C16orf96: variants seen among roughly 807,000 people sequenced by gnomAD.
C16orf96 encodes the protein chromosome 16 open reading frame 96, also known as uncharacterized protein C16orf96.
C16orf96 carries 108 observed loss-of-function variants against 103.6 expected under a neutral mutation model. The ratio of observed to expected loss-of-function variants is 1.04; its 90% CI spans 0.89 to 1.22. The LOEUF (loss-of-function observed/expected upper bound fraction) is 1.22, where lower values mean the gene tolerates loss of function less well. Ranked by LOEUF, C16orf96 falls within the 50% of genes most tolerant of loss-of-function variation. The pLI is 0.00. For missense variants in C16orf96, 1,586 were observed against 1,464.2 expected, an observed-to-expected ratio of 1.08 and a Z score of -1.36; for synonymous variants, 566 against 593.5, an observed-to-expected ratio of 0.95 and a Z score of 0.67.
chr16:4,588,843 G>A (rs113647816), intron 9 of C16orf96, among the ~76,000 whole-genome samples: 4,076 of 151,004 alleles, frequency 0.027, 77 homozygotes, highest in Non-Finnish European at 0.033. Context: ...CTCAGGAAAC[G>A]CTGCTGCTCA....
chr16:4,550,795 A>G, the C16orf96 span, among the ~76,000 whole-genome samples: 2 of 152,306 alleles, frequency 1.3e-5, no homozygotes, highest in South Asian at 2.1e-4. Context: ...GTCAGCACAC[A>G]CTGAGGTGAG....
upstream of C16orf96, among the ~76,000 whole-genome samples, chr16:4,554,039 C>T (rs556940980): frequency 6.6e-6 from 1 of 152,246 alleles, no homozygotes; most frequent in Admixed American, 6.5e-5. Flanking sequence ...TCAGGGCTCC[C>T]GGTGTTAAGC....
Position 4,575,369 on chromosome 16 carries a change from G to A in C16orf96, c.889G>A (p.Ala297Thr). ...CCTCCCGGAGGGCTCATCTGCCCAA[G>A]CAGTTTCACTCAGCAGAGCCCAGGA... ...ELLPEGSSAQAVSLSRAQEPA... is the reference protein window; with the variant it reads ...ELLPEGSSAQTVSLSRAQEPA... Residue 297 changes from alanine to threonine, a missense_variant, in exon 5 of 16, where the codon GCA (alanine) becomes ACA (threonine). Coordinates refer to ENST00000444310, the MANE Select transcript of C16orf96 (RefSeq NM_001145011.2). 1 of 1,551,148 alleles carries A rather than the reference G, an allele frequency of 6.4e-7. No individual in the cohort carries two copies.
At position 4,575,481 on chromosome 16, in the gene C16orf96, C is replaced by T; in HGVS notation, c.1001C>T (p.Pro334Leu). Residue 334 changes from proline to leucine, a missense_variant, in exon 5 of 16, where the codon CCT becomes CTT. By Grantham distance (98) the Pro-to-Leu change is moderately conservative (BLOSUM62 -3). Coordinates refer to ENST00000444310, the MANE Select transcript of C16orf96 (RefSeq NM_001145011.2). ...CCTGGGCCTGCACCTGGGACTGAAC[C>T]TGTGCCAGGACTGGAGCTGGGGCTG... The part of the protein sequence containing the change: ...FAPGPAPGTE[P>L]VPGLELGLEL... 1 of 1,548,078 alleles carries T rather than the reference C, an allele frequency of 6.5e-7. No individual in the cohort carries two copies. The highest frequency in any genetic ancestry group is 8.7e-7 in the Non-Finnish European group (1 of 1,146,902).
At chr16:4,547,764 T>C in the C16orf96 span, among the ~76,000 whole-genome samples, 13 of 145,120 alleles carry the variant, frequency 9.0e-5, no homozygotes, top group African/African-American at 3.1e-4. Flanking sequence ...CCTCCCTCCC[T>C]CTCTCTCTCT....
At chr16:4,577,691 C>T (rs370725736) in intron 5 of C16orf96, among the ~76,000 whole-genome samples, 12 of 152,196 alleles carry the variant, frequency 7.9e-5, no homozygotes, top group East Asian at 3.9e-4. Context: ...TGCGGTGGCT[C>T]ACGCCTGTAA....
At chr16:4,549,263 A>G in the C16orf96 span, among the ~76,000 whole-genome samples, 571 of 152,168 alleles carry the variant, frequency 3.8e-3, 7 homozygotes, top group African/African-American at 0.013. Flanking sequence ...TCACAAGGTC[A>G]GGAGATCAAG....
At chr16:4,558,787 C>T (rs547550437) in intron 1 of C16orf96, among the ~76,000 whole-genome samples, 5 of 151,958 alleles carry the variant, frequency 3.3e-5, no homozygotes, top group South Asian at 4.2e-4. Flanking sequence ...TGCTTGCGTG[C>T]GCCTGTAGTC....
chr16:4,548,876 CAA>C, the C16orf96 span, among the ~76,000 whole-genome samples: 1 of 133,042 alleles, frequency 7.5e-6, no homozygotes, highest in Non-Finnish European at 1.6e-5. Flanking sequence ...GTGAGACTCT[CAA>C]AAAAAAAAAA....
chr16:4,575,389 C>T lies in C16orf96; in HGVS notation c.909C>T (p.Ala303=), dbSNP rs2059490511. 1 of 1,550,824 alleles carries T rather than the reference C, an allele frequency of 6.4e-7. No homozygotes were observed. Among genetic ancestry groups the T allele is most frequent in the Non-Finnish European group, 8.7e-7 (1 of 1,146,936 alleles). ...SSAQAVSLSR[A]QEPAQPPALT... Reference sequence around the variant, plus strand: ...CCCAAGCAGTTTCACTCAGCAGAGCCCAGGAGCCAGCGCAGCCTCCGGCCC... The same window carrying T: ...CCCAAGCAGTTTCACTCAGCAGAGCTCAGGAGCCAGCGCAGCCTCCGGCCC... Residue 303 remains alanine, a synonymous_variant, in exon 5 of 16, where the codon GCC becomes GCT. Coordinates refer to ENST00000444310, the MANE Select transcript of C16orf96 (RefSeq NM_001145011.2).
chr16:4,594,476 C>A lies in C16orf96; in HGVS notation c.2993C>A (p.Pro998His), dbSNP rs923963914. 14 of 1,551,374 alleles carry A rather than the reference C, an allele frequency of 9.0e-6. No individual in the cohort carries two copies. The highest frequency in any genetic ancestry group is 2.0e-5 in the Admixed American group (1 of 50,994). The change falls in exon 13 of 16, where the codon CCC becomes CAC. Residue 998 changes from proline to histidine, a missense_variant. Transcript: ENST00000444310. ...CKSCNLLTLY[P>H]YGDPHVIDYD... ...TCCTGCAACCTGTTGACGCTCTATC[C>A]CTACGGGGATCCCCACGTGATCGAC...
At chr16:4,550,567 C>T in the C16orf96 span, among the ~76,000 whole-genome samples, 3 of 152,212 alleles carry the variant, frequency 2.0e-5, no homozygotes, top group Non-Finnish European at 4.4e-5. Context: ...CAGCTAACGT[C>T]AGTGAGCACT....
At chr16:4,562,900 C>T (rs59476724) in intron 1 of C16orf96, 1 of 1,423,412 alleles carries the variant, frequency 7.0e-7, no homozygotes, top group Non-Finnish European at 9.8e-7. Context: ...CCTTTTCTTC[C>T]TGGTTTCATT....
In C16orf96 at chr16:4,572,640, T is replaced by G. The variant is rs139845311; in HGVS notation, c.525+975T>G. Among the ~76,000 whole-genome samples, 141 of 152,206 alleles carry G rather than the reference T, an allele frequency of 9.3e-4. 1 individual carries two copies. The highest frequency in any genetic ancestry group is 3.4e-3 in the Middle Eastern group (1 of 294). ...CAGTGAAACTTTCCTCCCAGTTGGC[T>G]TCATTCTCAGGCAGGTGCTCCTCAA... On this transcript the variant is annotated intron_variant, in intron 2 of 15. Transcript: ENST00000444310.
In C16orf96 at chr16:4,556,758, A is replaced by T; in HGVS notation, c.269A>T (p.Lys90Met). 6.4e-7 allele frequency: 1 copy of T among 1,551,722 alleles called. No homozygotes were observed. Among genetic ancestry groups the T allele is most frequent in the African/African-American group, 1.4e-5 (1 of 73,164 alleles). Residue 90 changes from lysine (K) to methionine (M), a missense_variant, in exon 1 of 16, where the codon AAG becomes ATG. Physicochemically the swap from Lys to Met is moderately conservative, Grantham distance 95. Coordinates refer to ENST00000444310, the MANE Select transcript of C16orf96 (RefSeq NM_001145011.2). The stretch of plus-strand genomic sequence containing the variant: ...GACCACGTGGTGAGCCGCCTCGACA[A>T]GTTGGAGAACCAGCTGGCCCTGCTG... ...VFDHVVSRLDKLENQLALLQD... is the reference protein window; with the variant it reads ...VFDHVVSRLDMLENQLALLQD...
At chr16:4,581,248 T>G (rs2059585383) in intron 7 of C16orf96, among the ~76,000 whole-genome samples, 1 of 144,064 alleles carries the variant, frequency 6.9e-6, no homozygotes, top group African/African-American at 2.6e-5. Flanking sequence ...GGCAGGAGAA[T>G]CGCTTGAACC....
the C16orf96 span, among the ~76,000 whole-genome samples, chr16:4,544,045 G>A: frequency 1.3e-5 from 2 of 152,166 alleles, no homozygotes; most frequent in Non-Finnish European, 2.9e-5. Context: ...TGGATCCAGA[G>A]GAAGGACCTG....
At position 4,574,959 on chromosome 16, in the gene C16orf96, C is replaced by A. The variant is rs1280969005; in HGVS notation, c.607-13C>A. The A allele has an allele frequency of 6.4e-7, 1 of 1,550,828 alleles. No individual in the cohort carries two copies. The highest frequency in any genetic ancestry group is 8.7e-7 in the Non-Finnish European group (1 of 1,146,552). ...CAGGCTCACAGCCCTCATTTTCTAC[C>A]CCCACCTTGCAGGCTTCTCTCCAGA... On this transcript the variant is annotated splice_polypyrimidine_tract_variant and intron_variant, in intron 3 of 15. Coordinates refer to ENST00000444310, the MANE Select transcript of C16orf96 (RefSeq NM_001145011.2).
At chr16:4,583,291 A>G (rs974578731) in intron 7 of C16orf96, among the ~76,000 whole-genome samples, 12 of 152,224 alleles carry the variant, frequency 7.9e-5, no homozygotes, top group Non-Finnish European at 1.5e-4. Context: ...CCTTGAGGCC[A>G]GGACTTCAGG....
Sources: gnomAD v4.1 joint callset for allele counts (sites outside exome capture counted in the v4.1 genomes callset) on GRCh38, gnomAD v4.1.1 for gene constraint, MANE v1.5 for transcripts, NCBI Gene and HGNC (gene_info 2026-07-23, HGNC 2026-07-21) for gene names.